The following CFTR variants were observed in gnomAD, a reference collection of about 807,000 sequenced individuals.
The protein encoded by CFTR is cystic fibrosis transmembrane conductance regulator.
Under a neutral mutation model 171.6 loss-of-function variants are expected in CFTR, and 181 were observed. The ratio of observed to expected loss-of-function variants is 1.05; its 90% CI spans 0.93 to 1.19. The LOEUF (loss-of-function observed/expected upper bound fraction) is 1.19. Ranked by LOEUF, CFTR falls within the 50% of genes most tolerant of loss-of-function variation. CFTR has a pLI of 0.00. For synonymous variants in CFTR, 583 were observed against 608.0 expected (o/e 0.96, Z 0.60); for missense variants, 1,968 against 1,734.7 (o/e 1.13, Z -2.39).
Position 117,666,791 on chromosome 7 carries a change from G to C in CFTR, c.4243-117G>C, listed in dbSNP as rs1793382509. On this transcript the variant is annotated intron_variant, in intron 26 of 26. Transcript: ENST00000003084. ...ACATACCTGATTGTTCAAAATGCAA[G>C]GCTCTGGACATTGCATTCTTTGACT... is the stretch of plus-strand genomic sequence containing the variant. 4.2e-5 allele frequency: 36 copies of C among 849,988 alleles called. No homozygotes were observed. In the South Asian group the frequency reaches 4.8e-4, roughly 11 times the overall value. The allele number at this position is 849,988 out of a possible 1,614,324, so 52.7% of individuals were successfully genotyped here. A position where few individuals can be genotyped will look rare whatever the true frequency, so the allele number is the denominator to read the frequency against.
chr7:117,595,787 G>A (rs1378662232), intron 15 of CFTR, among the ~76,000 whole-genome samples: 1 of 152,154 alleles, frequency 6.6e-6, no homozygotes, highest in Non-Finnish European at 1.5e-5. Flanking sequence ...TAAGGAGGCT[G>A]AGGTGGGAGA....
intron 7 of CFTR, 124 bp downstream of exon 7, chr7:117,536,797 A>T: frequency 1.2e-6 from 1 of 839,618 alleles, no homozygotes; most frequent in Non-Finnish European, 1.9e-6. Context: ...ATTGCATTTA[A>T]GTTCTGTCAA....
chr7:117,485,694 C>A (rs1798064201), intron 1 of CFTR, among the ~76,000 whole-genome samples: 1 of 152,032 alleles, frequency 6.6e-6, no homozygotes, highest in East Asian at 1.9e-4. Flanking sequence ...TCTGAAAAAT[C>A]TTTTTTCAGA....
intron 23 of CFTR, among the ~76,000 whole-genome samples, chr7:117,646,481 T>C (rs936818619): frequency 6.6e-6 from 1 of 151,932 alleles, no homozygotes; most frequent in African/African-American, 2.4e-5. Flanking sequence ...AGTACTAAGA[T>C]GAGAACTAGA....
At chr7:117,532,641 CAT>C (rs1329296113) in intron 4 of CFTR, among the ~76,000 whole-genome samples, 9 of 152,228 alleles carry the variant, frequency 5.9e-5, no homozygotes, top group South Asian at 4.2e-4. Context: ...AGTTTGTAAA[CAT>C]GTCCATATGT....
At chr7:117,595,830 G>A (rs920240953) in intron 15 of CFTR, among the ~76,000 whole-genome samples, 3 of 152,172 alleles carry the variant, frequency 2.0e-5, no homozygotes, top group Non-Finnish European at 2.9e-5. Flanking sequence ...AGGCTGCCCT[G>A]AACTGTGATT....
At chr7:117,501,747 CAAAAAAAAAAAAAA>C (rs1212853305) in intron 1 of CFTR, among the ~76,000 whole-genome samples, 1 of 43,902 alleles carries the variant, frequency 2.3e-5, no homozygotes, top group Admixed American at 3.1e-4. Flanking sequence ...AACTCTGTCT[CAAAAAAAAAAAAAA>C]AAAAAAAAAA....
At chr7:117,602,266 C>T (rs1385643096) in intron 15 of CFTR, among the ~76,000 whole-genome samples, 1 of 152,192 alleles carries the variant, frequency 6.6e-6, no homozygotes, top group African/African-American at 2.4e-5. Flanking sequence ...AAACTCCTGG[C>T]CTCAAGTGAT....
At chr7:117,490,380 A>G (rs1424137029) in intron 1 of CFTR, among the ~76,000 whole-genome samples, 1 of 151,468 alleles carries the variant, frequency 6.6e-6, no homozygotes, top group East Asian at 1.9e-4. Flanking sequence ...ATTGACTTAC[A>G]TGATTATGAT....
rs575713144 is a variant in CFTR, at chr7:117,551,969, C to T, written c.1392+3146C>T. Among the ~76,000 whole-genome samples, 11 of 152,078 alleles carry T rather than the reference C, an allele frequency of 7.2e-5. No homozygotes were observed. In the East Asian group the frequency reaches 9.7e-4, roughly 13 times the overall value. On this transcript the variant is annotated intron_variant, in intron 10 of 26. Transcript: ENST00000003084. ...ATGTATAGAATAAGCTATTAGCTCA[C>T]GTTTTTGCTTGCTTTTTATACAGAA... is the stretch of plus-strand genomic sequence containing the variant.
At chr7:117,642,297 G>A (rs1467120332) in intron 22 of CFTR, 141 bp from the exon 23 acceptor site, 2 of 837,704 alleles carry the variant, frequency 2.4e-6, no homozygotes, top group Admixed American at 2.0e-5. Context: ...GTGCAACAAG[G>A]TTTGAATGAA....
chr7:117,610,756 A>G, intron 19 of CFTR, 87 bp downstream of exon 19: 9 of 1,469,402 alleles, frequency 6.1e-6, no homozygotes, highest in Non-Finnish European at 8.4e-6. Context: ...CTTAAAAAAA[A>G]TTCTGCTTTT....
intron 22 of CFTR, among the ~76,000 whole-genome samples, chr7:117,638,755 A>G (rs929593996): frequency 2.0e-5 from 3 of 150,658 alleles, no homozygotes; most frequent in African/African-American, 7.3e-5. Context: ...ATAAATAAAT[A>G]AATAAATAAA....
At chr7:117,634,882 T>G (rs1302986787) in intron 22 of CFTR, among the ~76,000 whole-genome samples, 1 of 152,120 alleles carries the variant, frequency 6.6e-6, no homozygotes, top group East Asian at 1.9e-4. Context: ...GTGGTCTATC[T>G]TGGTGAATGT....
chr7:117,497,767 T>G (rs894105132), intron 1 of CFTR, among the ~76,000 whole-genome samples: 33 of 152,226 alleles, frequency 2.2e-4, no homozygotes, highest in African/African-American at 7.0e-4. Flanking sequence ...ATAGTGAGCA[T>G]TATATGAAAA....
chr7:117,549,587 T>C (rs371185224), intron 10 of CFTR, among the ~76,000 whole-genome samples: 1 of 152,158 alleles, frequency 6.6e-6, no homozygotes, highest in South Asian at 2.1e-4. Flanking sequence ...AAATTAGAGA[T>C]GAGAAAGAGC....
chr7:117,544,200 C>T (rs1000387644), intron 9 of CFTR, among the ~76,000 whole-genome samples: 1 of 152,128 alleles, frequency 6.6e-6, no homozygotes, highest in African/African-American at 2.4e-5. Flanking sequence ...AGAACACTTA[C>T]TTTATCAGTT....
At chr7:117,587,687 T>A (rs2116017159) in intron 11 of CFTR, 52 bp from the exon 12 acceptor site, 1 of 1,030,140 alleles carries the variant, frequency 9.7e-7, no homozygotes, top group Non-Finnish European at 1.5e-6. Context: ...CCTTTCAAAT[T>A]CAGATTGAGC....
intron 11 of CFTR, among the ~76,000 whole-genome samples, chr7:117,562,978 G>A (rs1671204249): frequency 6.6e-6 from 1 of 152,172 alleles, no homozygotes; most frequent in African/African-American, 2.4e-5. Context: ...TGGAGGCCTT[G>A]TATACCAGTC....
Sources: allele counts gnomAD v4.1 joint callset (sites outside exome capture counted in the v4.1 genomes callset), GRCh38; gene constraint gnomAD v4.1.1; transcripts MANE v1.5; gene names NCBI Gene and HGNC (gene_info 2026-07-23, HGNC 2026-07-21).